SLC25A48: variants seen among roughly 807,000 people sequenced by gnomAD.
The protein encoded by SLC25A48 is solute carrier family 25 member 48, also known as CTC-321K16.1.
SLC25A48 carries 29 observed loss-of-function variants against 32.2 expected under a neutral mutation model. That is an observed-to-expected ratio of 0.90 (90% confidence interval 0.67 to 1.23). SLC25A48 has a LOEUF of 1.23. SLC25A48 is among the 50% of genes most tolerant of loss of function. SLC25A48 has a pLI of 0.00. For missense variants in SLC25A48, 399 were observed against 422.7 expected (o/e 0.94, Z 0.49); for synonymous variants, 164 against 172.3 (o/e 0.95, Z 0.38).
chr5:135,810,244 T>C (rs563488940), intron 3 of SLC25A48, among the ~76,000 whole-genome samples: 1 of 152,308 alleles, frequency 6.6e-6, no homozygotes, highest in Admixed American at 6.5e-5. Flanking sequence ...TAAACTACAT[T>C]AGTTTTCCTC....
At chr5:135,703,694 A>T (rs1454406802) in intron 3 of SLC25A48, among the ~76,000 whole-genome samples, 19 of 152,130 alleles carry the variant, frequency 1.2e-4, no homozygotes, top group Admixed American at 1.2e-3. Context: ...CCTTTGAGGC[A>T]CTGACTGACA....
chr5:135,670,013 C>G (rs1175406089), intron 3 of SLC25A48, among the ~76,000 whole-genome samples: 1 of 152,168 alleles, frequency 6.6e-6, no homozygotes, highest in Non-Finnish European at 1.5e-5. Flanking sequence ...CTTTGCAGAC[C>G]TTCCCGTGAT....
intron 3 of SLC25A48, among the ~76,000 whole-genome samples, chr5:135,682,888 G>T (rs1753929927): frequency 6.6e-6 from 1 of 152,130 alleles, no homozygotes; most frequent in Non-Finnish European, 1.5e-5. Flanking sequence ...TTACTGGGAG[G>T]CACAACATAT....
intron 3 of SLC25A48, among the ~76,000 whole-genome samples, chr5:135,726,958 G>A (rs1300721438): frequency 6.6e-6 from 1 of 152,052 alleles, no homozygotes. Context: ...TAGATCCTCG[G>A]CAGCATTTGG....
At position 135,850,531 on chromosome 5, in the gene SLC25A48, C is replaced by T. The variant is rs1759771449; in HGVS notation, c.162+35C>T. On this transcript the variant is annotated intron_variant, in intron 3 of 7. Coordinates refer to ENST00000681962, the MANE Select transcript of SLC25A48 (RefSeq NM_001349336.2). Reference sequence around the variant, plus strand: ...CCTTGGGCGGGTGGAGTGATGCCTGCCTGGGCCCCCACAGGCTGGGGACCA... The same window carrying T: ...CCTTGGGCGGGTGGAGTGATGCCTGTCTGGGCCCCCACAGGCTGGGGACCA... 2.5e-6 allele frequency: 4 copies of T among 1,607,216 alleles called. No homozygotes were observed. The East Asian group carries it at 8.9e-5, about 36-fold the overall frequency.
chr5:135,625,930 C>A (rs572646399), intron 1 of SLC25A48, among the ~76,000 whole-genome samples: 4 of 152,308 alleles, frequency 2.6e-5, no homozygotes, highest in Admixed American at 1.3e-4. Flanking sequence ...CTGTAGGTAT[C>A]TCCAGACCCC....
At chr5:135,585,932 G>A (rs889930349) in intron 1 of SLC25A48, among the ~76,000 whole-genome samples, 3 of 152,092 alleles carry the variant, frequency 2.0e-5, no homozygotes, top group African/African-American at 4.8e-5. Context: ...TTATCTGTGG[G>A]TTGGCTTGGC....
At chr5:135,857,053 G>A (rs748983943) in intron 4 of SLC25A48, among the ~76,000 whole-genome samples, 1 of 152,224 alleles carries the variant, frequency 6.6e-6, no homozygotes, top group African/African-American at 2.4e-5. Flanking sequence ...GTAGCTTTGC[G>A]AATATCTGTT....
chr5:135,767,195 C>CG (rs920396718), intron 3 of SLC25A48, among the ~76,000 whole-genome samples: 17 of 151,084 alleles, frequency 1.1e-4, no homozygotes, highest in African/African-American at 3.4e-4. Context: ...ACACCCCCCC[C>CG]CCGTGATATG....
chr5:135,860,318 G>T (rs576280886), intron 4 of SLC25A48, among the ~76,000 whole-genome samples: 3 of 152,190 alleles, frequency 2.0e-5, no homozygotes, highest in East Asian at 3.9e-4. Flanking sequence ...TTCCTCTTTC[G>T]ATTGAAACCT....
intron 3 of SLC25A48, among the ~76,000 whole-genome samples, chr5:135,660,209 A>G (rs1188789647): frequency 6.6e-6 from 1 of 152,246 alleles, no homozygotes; most frequent in Non-Finnish European, 1.5e-5. Flanking sequence ...GATATCCTCT[A>G]CACACTTTAC....
intron 3 of SLC25A48, among the ~76,000 whole-genome samples, chr5:135,740,745 C>A (rs1755481568): frequency 6.6e-6 from 1 of 152,182 alleles, no homozygotes; most frequent in African/African-American, 2.4e-5. Flanking sequence ...ACTTGGTGGA[C>A]AGATGCTGGG....
chr5:135,842,719 G>C (rs72791373), intron 2 of SLC25A48, among the ~76,000 whole-genome samples: 9,030 of 152,262 alleles, frequency 0.059, 373 homozygotes, highest in Middle Eastern at 0.14. Context: ...AGGACTCTGG[G>C]GCTGTTGGGA....
In SLC25A48 at chr5:135,871,632, C is replaced by G. The variant is rs372435679; in HGVS notation, c.593C>G (p.Pro198Arg). ...DVPGYCLYFI[P>R]YVFLSEWITP... ...CCAGGCTATTGCCTCTACTTCATCC[C>G]CTACGTGTTCCTGAGTGAGTGGATC... is the stretch of plus-strand genomic sequence containing the variant. The change falls in exon 5 of 8, where the codon CCC (proline) becomes CGC (arginine). Residue 198 changes from proline to arginine, a missense_variant. Pro to Arg is a moderately radical substitution (Grantham distance 103). Coordinates refer to ENST00000681962, the MANE Select transcript of SLC25A48 (RefSeq NM_001349336.2). 3 of 1,614,064 alleles carry G rather than the reference C, an allele frequency of 1.9e-6. No individual in the cohort carries two copies. The African/African-American group carries it at 4.0e-5, about 22-fold the overall frequency.
Position 135,713,327 on chromosome 5 carries a change from T to G in SLC25A48, c.-521+78371T>G, listed in dbSNP as rs578089935. ...TTTCGTGTTAATGATGCTAGTAGTT[T>G]GGTATTTCATACTTTTACGAAACTT... On this transcript the variant is annotated intron_variant, in intron 3 of 10. Coordinates refer to the SLC25A48 transcript ENST00000646290. 2.0e-5 allele frequency among the ~76,000 whole-genome samples: 3 copies of G among 152,354 alleles called. No homozygotes were observed. The South Asian group carries it at 6.2e-4, about 32-fold the overall frequency.
intron 4 of SLC25A48, chr5:135,824,380 A>G (rs1291728301): frequency 6.6e-6 from 1 of 152,412 alleles, no homozygotes; most frequent in Non-Finnish European, 1.5e-5. Flanking sequence ...GCAGTAACAG[A>G]TGGAACGTCC....
In SLC25A48 at chr5:135,871,575, G is replaced by A. The variant is rs371126144; in HGVS notation, c.536G>A (p.Arg179Gln). 34 of 1,614,012 alleles carry A rather than the reference G, an allele frequency of 2.1e-5. No individual in the cohort carries two copies. The highest frequency in any genetic ancestry group is 5.5e-5 in the South Asian group (5 of 91,082). The change falls in exon 5 of 8, where the codon CGG (arginine) becomes CAG (glutamine). Residue 179 changes from arginine to glutamine, a missense_variant. Coordinates refer to ENST00000681962, the MANE Select transcript of SLC25A48 (RefSeq NM_001349336.2). ...VRNEGLAGLY[R>Q]GASAMLLRDV... ...AATGAGGGCCTGGCGGGGCTATACCGGGGGGCCAGTGCCATGCTGCTGAGG... is the reference window on the plus strand; with the variant it reads ...AATGAGGGCCTGGCGGGGCTATACCAGGGGGCCAGTGCCATGCTGCTGAGG...
chr5:135,739,402 T>A (rs1159909173), intron 3 of SLC25A48, among the ~76,000 whole-genome samples: 1 of 152,188 alleles, frequency 6.6e-6, no homozygotes, highest in Admixed American at 6.5e-5. Context: ...AGACTTATGC[T>A]ACAGAGGCTC....
chr5:135,821,599 T>G (rs1271979085), intron 4 of SLC25A48: 1 of 152,186 alleles, frequency 6.6e-6, no homozygotes, highest in African/African-American at 2.4e-5. Flanking sequence ...TTCCAGAAGA[T>G]GTTTGCATTC....
Sources: gnomAD v4.1 joint callset for allele counts (sites outside exome capture counted in the v4.1 genomes callset) on GRCh38, gnomAD v4.1.1 for gene constraint, MANE v1.5 for transcripts, NCBI Gene and HGNC (gene_info 2026-07-23, HGNC 2026-07-21) for gene names.